Variants in ARHGEF10L observed in about 807,000 individuals in gnomAD.
ARHGEF10L encodes Rho guanine nucleotide exchange factor 10 like.
ARHGEF10L carries 69 observed loss-of-function variants against 141.2 expected under a neutral mutation model. The ratio of observed to expected loss-of-function variants is 0.49; its 90% CI spans 0.40 to 0.60. ARHGEF10L has a LOEUF of 0.60. Ranked by LOEUF, ARHGEF10L falls within the 20% of genes least tolerant of loss-of-function variation. The pLI is 0.00. For missense variants in ARHGEF10L, 1,482 were observed against 1,734.3 expected (o/e 0.85, Z 2.58); for synonymous variants, 711 against 718.5 (o/e 0.99, Z 0.17).
rs1183482209 is a variant in ARHGEF10L at position 17,696,849 on chromosome 1, G to C, written c.3309G>C (p.Gly1103=). The change falls in exon 29 of 29, where the codon GGG becomes GGC. Residue 1103 remains glycine, a splice_region_variant and synonymous_variant. Transcript: ENST00000361221. ...TCTCTCTCGCCCCATTTTCTGCAGGGAAAGGCATGGTCTCACTCAACGGGC... is the reference window on the plus strand; with the variant it reads ...TCTCTCTCGCCCCATTTTCTGCAGGCAAAGGCATGGTCTCACTCAACGGGC... The part of the protein sequence containing the change: ...PRLEGIPKIT[G]KGMVSLNGHC... 6.5e-7 allele frequency: 1 copy of C among 1,531,430 alleles called. No individual in the cohort carries two copies. Among genetic ancestry groups the C allele is most frequent in the African/African-American group, 1.4e-5 (1 of 72,202 alleles). 94.9% of individuals were successfully genotyped at this position (1,531,430 alleles called of 1,614,324 possible). A position where few individuals can be genotyped will look rare whatever the true frequency, so the allele number is the denominator to read the frequency against.
chr1:17,616,207 G>C lies in ARHGEF10L; in HGVS notation c.835+5G>C, dbSNP rs780731500. The C allele has an allele frequency of 6.2e-7, 1 of 1,612,224 alleles. No homozygotes were observed. ...TGCACAGGAAGGACGTCCTCGGTGA[G>C]GCGCTGCCCGAGCGGGAGGGTCTGG... On this transcript the variant is annotated splice_donor_5th_base_variant and intron_variant, in intron 9 of 28. Coordinates refer to ENST00000361221, the MANE Select transcript of ARHGEF10L (RefSeq NM_018125.4).
intron 18 of ARHGEF10L, 47 bp from the exon 19 acceptor site, chr1:17,637,841 T>G (rs2061099858): frequency 6.6e-7 from 1 of 1,513,464 alleles, no homozygotes; most frequent in African/African-American, 1.4e-5. Context: ...GCTTGGCTTC[T>G]TGTTAGCGCC....
chr1:17,568,817 G>A (rs868862163), intron 1 of ARHGEF10L, among the ~76,000 whole-genome samples: 2 of 152,188 alleles, frequency 1.3e-5, no homozygotes, highest in African/African-American at 4.8e-5. Context: ...TCCTGGTCCC[G>A]GATTTGACTT....
chr1:17,530,411 C>T, the ARHGEF10L span, among the ~76,000 whole-genome samples: 14 of 152,152 alleles, frequency 9.2e-5, no homozygotes, highest in African/African-American at 3.4e-4. Context: ...ATTGCAATAT[C>T]AACATTGAGG....
intron 28 of ARHGEF10L, 32 bp from the exon 29 acceptor site, chr1:17,696,816 G>A (rs2065538082): frequency 1.3e-6 from 2 of 1,511,688 alleles, no homozygotes; most frequent in Non-Finnish European, 1.8e-6. Context: ...TGGGCCTTTG[G>A]GCCCCTTTCT....
intron 26 of ARHGEF10L, among the ~76,000 whole-genome samples, chr1:17,682,746 G>A (rs913543473): frequency 1.3e-5 from 2 of 152,122 alleles, no homozygotes; most frequent in Non-Finnish European, 2.9e-5. Flanking sequence ...TGGTGGGTGG[G>A]CAGGTGGCCT....
chr1:17,550,182 T>C (rs1280195018), intron 1 of ARHGEF10L, among the ~76,000 whole-genome samples: 1 of 152,078 alleles, frequency 6.6e-6, no homozygotes, highest in Admixed American at 6.6e-5. Context: ...TACACAGGGG[T>C]GAGGGAAAGA....
chr1:17,519,065 C>T, the ARHGEF10L span, among the ~76,000 whole-genome samples: 4 of 151,750 alleles, frequency 2.6e-5, no homozygotes, highest in African/African-American at 4.8e-5. Flanking sequence ...ATCCCAGCTA[C>T]TCGGGAGGCT....
At chr1:17,637,743 A>T in intron 18 of ARHGEF10L, 145 bp from the exon 19 acceptor site, 1 of 609,790 alleles carries the variant, frequency 1.6e-6, no homozygotes, top group South Asian at 2.0e-5. Flanking sequence ...TGACCTCGTG[A>T]TCTGCCTGCC....
rs2060310557 is a variant in ARHGEF10L, at chr1:17,625,106, G to A, written c.1317+603G>A. Among the ~76,000 whole-genome samples, 2 of 152,204 alleles carry A rather than the reference G, an allele frequency of 1.3e-5. No homozygotes were observed. The highest frequency in any genetic ancestry group is 2.1e-4 in the South Asian group (1 of 4,832). On this transcript the variant is annotated intron_variant, in intron 13 of 28. Transcript: ENST00000361221. This position sits in a 1 kb window ranked among gnomAD's most constrained non-coding sequence, Gnocchi z 4.5. ...GCCGGCAGCACAGGTTAGATGCCAC[G>A]GCCTCAGTGGAGGAACCCACTGTCC... is the stretch of plus-strand genomic sequence containing the variant.
intron 4 of ARHGEF10L, among the ~76,000 whole-genome samples, chr1:17,600,608 A>G (rs1376532324): frequency 6.6e-6 from 1 of 152,072 alleles, no homozygotes. Context: ...TTTTGTGTGG[A>G]TTTCATCAGT....
intron 7 of ARHGEF10L, among the ~76,000 whole-genome samples, chr1:17,608,910 G>A (rs149027482): frequency 7.1e-4 from 108 of 152,202 alleles, no homozygotes; most frequent in Non-Finnish European, 1.3e-3. Flanking sequence ...CAGCCTCCCA[G>A]GTAGCTGGGA....
At chr1:17,646,989 G>A (rs2061642884) in intron 21 of ARHGEF10L, among the ~76,000 whole-genome samples, 1 of 152,052 alleles carries the variant, frequency 6.6e-6, no homozygotes, top group African/African-American at 2.4e-5. Context: ...GGATGGGCCT[G>A]GCTGCCGAGC....
intron 21 of ARHGEF10L, among the ~76,000 whole-genome samples, chr1:17,642,249 G>A (rs1337116509): frequency 6.6e-6 from 1 of 152,152 alleles, no homozygotes; most frequent in Non-Finnish European, 1.5e-5. Context: ...CCCCTGAGGC[G>A]GGGTCCTCAG....
chr1:17,661,687 C>G (rs1328732180), intron 25 of ARHGEF10L, among the ~76,000 whole-genome samples: 1 of 152,216 alleles, frequency 6.6e-6, no homozygotes, highest in Non-Finnish European at 1.5e-5. Context: ...GTCCCAGCCC[C>G]CATCTCAGCC....
In ARHGEF10L at chr1:17,615,538, G is replaced by T. The variant is rs750564296; in HGVS notation, c.727-556G>T. 2 of 152,218 alleles carry T rather than the reference G, an allele frequency of 1.3e-5. No individual in the cohort carries two copies. Among genetic ancestry groups the T allele is most frequent in the African/African-American group, 4.8e-5 (2 of 41,454 alleles). The allele number at this position is 152,218 out of a possible 1,614,324, so 9.4% of individuals were successfully genotyped here. ...GAGGCAAGGGACGGGTCCCTCACCT[G>T]GGTTTGGCGGATGGGATGGGGGTGT... On this transcript the variant is annotated intron_variant, in intron 8 of 28. Coordinates refer to ENST00000361221, the MANE Select transcript of ARHGEF10L (RefSeq NM_018125.4). This position sits in a 1 kb window ranked among gnomAD's most constrained non-coding sequence, Gnocchi z 4.7.
At chr1:17,633,906 G>GCACT (rs2060847274) in intron 16 of ARHGEF10L, among the ~76,000 whole-genome samples, 1 of 152,142 alleles carries the variant, frequency 6.6e-6, no homozygotes, top group Admixed American at 6.5e-5. Flanking sequence ...CAGGACCTGT[G>GCACT]CACTCATTCA....
intron 1 of ARHGEF10L, among the ~76,000 whole-genome samples, chr1:17,562,285 C>T (rs2077573771): frequency 6.6e-6 from 1 of 152,148 alleles, no homozygotes; most frequent in Non-Finnish European, 1.5e-5. Context: ...GGCGTGGTGG[C>T]GTACACCTGT....
At chr1:17,671,690 G>A (rs2063332500) in intron 26 of ARHGEF10L, among the ~76,000 whole-genome samples, 1 of 152,176 alleles carries the variant, frequency 6.6e-6, no homozygotes, top group African/African-American at 2.4e-5. Context: ...ATTAGACCCG[G>A]GCTTCCCATC....
Sources: allele counts gnomAD v4.1 joint callset (sites outside exome capture counted in the v4.1 genomes callset), GRCh38; gene constraint gnomAD v4.1.1; non-coding constraint Gnocchi (gnomAD v3.1); transcripts MANE v1.5; gene names NCBI Gene and HGNC (gene_info 2026-07-23, HGNC 2026-07-21).